Variants in FKBP5 observed in about 807,000 individuals in gnomAD.
FKBP5 encodes the protein peptidyl-prolyl cis-trans isomerase FKBP5.
A neutral mutation model predicts 50.5 loss-of-function variants in FKBP5; 23 were observed. The observed-to-expected ratio is 0.46, with a 90% confidence interval of 0.33 to 0.65. The LOEUF is 0.65. Ranked by LOEUF, FKBP5 falls within the 30% of genes least tolerant of loss-of-function variation. FKBP5 has a pLI of 0.02. For missense variants in FKBP5, 411 were observed against 553.1 expected (o/e 0.74, Z 2.58); for synonymous variants, 176 against 190.6 (o/e 0.92, Z 0.63).
intron 8 of FKBP5, chr6:35,585,652 T>C (rs2150955689): frequency 1.1e-6 from 1 of 928,688 alleles, no homozygotes; most frequent in East Asian, 1.2e-4. Flanking sequence ...AACATATTTA[T>C]ATATTTATAC....
chr6:35,621,452 T>C (rs1400812191), intron 3 of FKBP5, among the ~76,000 whole-genome samples: 1 of 150,934 alleles, frequency 6.6e-6, no homozygotes. Context: ...ACCCCGTCTC[T>C]ACTAAAAATA....
chr6:35,719,207 G>C (rs1316907296), intron 2 of FKBP5, among the ~76,000 whole-genome samples: 1 of 152,110 alleles, frequency 6.6e-6, no homozygotes, highest in Admixed American at 6.6e-5. Context: ...TTCATGTTAA[G>C]AACTTTATTG....
chr6:35,630,500 T>A (rs886516449), intron 3 of FKBP5, among the ~76,000 whole-genome samples: 1 of 152,102 alleles, frequency 6.6e-6, no homozygotes, highest in Non-Finnish European at 1.5e-5. Flanking sequence ...TGAGCCGAGA[T>A]CGTGCCACTG....
chr6:35,649,142 T>C (rs1158028799), intron 1 of FKBP5, among the ~76,000 whole-genome samples: 1 of 151,200 alleles, frequency 6.6e-6, no homozygotes, highest in Non-Finnish European at 1.5e-5. Context: ...TTCCAGCTAC[T>C]TGGGAGGCTG....
chr6:35,610,822 A>T (rs1379349173), intron 5 of FKBP5, among the ~76,000 whole-genome samples: 3 of 152,140 alleles, frequency 2.0e-5, no homozygotes, highest in Non-Finnish European at 4.4e-5. Flanking sequence ...TTAAAAAAAA[A>T]TACTTGTGCC....
At chr6:35,670,462 G>T (rs993700654) in intron 1 of FKBP5, among the ~76,000 whole-genome samples, 1 of 152,028 alleles carries the variant, frequency 6.6e-6, no homozygotes, top group Non-Finnish European at 1.5e-5. Context: ...CAGTGGGCAC[G>T]GTGGCTCATG....
At chr6:35,653,768 G>T (rs1045247424) in intron 1 of FKBP5, among the ~76,000 whole-genome samples, 1 of 152,106 alleles carries the variant, frequency 6.6e-6, no homozygotes. Flanking sequence ...CAAAATAAAA[G>T]AATTATGGGC....
intron 1 of FKBP5, among the ~76,000 whole-genome samples, chr6:35,688,499 G>A (rs1276970387): frequency 1.3e-5 from 2 of 151,720 alleles, no homozygotes; most frequent in Non-Finnish European, 2.9e-5. Flanking sequence ...TCTGCCGGGA[G>A]AGGCCGGCGG....
chr6:35,726,537 CACACACACACA>C (rs1766715740), intron 1 of FKBP5, among the ~76,000 whole-genome samples: 1 of 826 alleles, frequency 1.2e-3, no homozygotes, highest in Non-Finnish European at 5.2e-3. Flanking sequence ...CCTCCTCCTC[CACACACACACA>C]CACACACACA....
intron 2 of FKBP5, among the ~76,000 whole-genome samples, chr6:35,713,539 A>C (rs1036843030): frequency 2.0e-5 from 3 of 152,216 alleles, no homozygotes; most frequent in Non-Finnish European, 2.9e-5. Flanking sequence ...CCTTCTAGCA[A>C]GCAGCACAGC....
chr6:35,579,958 C>CT, intron 9 of FKBP5, 78 bp downstream of exon 9: 1 of 1,122,212 alleles, frequency 8.9e-7, no homozygotes, highest in Non-Finnish European at 1.3e-6. Context: ...CAACCTTTGG[C>CT]TGAGAGGAAG....
At chr6:35,685,286 T>C (rs1765791204) in intron 1 of FKBP5, among the ~76,000 whole-genome samples, 1 of 152,180 alleles carries the variant, frequency 6.6e-6, no homozygotes, top group Non-Finnish European at 1.5e-5. Flanking sequence ...TAAATAAACA[T>C]CTCATTTGCA....
intron 5 of FKBP5, among the ~76,000 whole-genome samples, chr6:35,610,718 G>A (rs1763467374): frequency 6.6e-6 from 1 of 150,410 alleles, no homozygotes; most frequent in Admixed American, 6.6e-5. Flanking sequence ...TTAGAACCTG[G>A]CCTTACTGGT....
At chr6:35,714,311 G>T (rs1300662144) in intron 2 of FKBP5, among the ~76,000 whole-genome samples, 3 of 128,148 alleles carry the variant, frequency 2.3e-5, no homozygotes, top group Non-Finnish European at 3.3e-5. Flanking sequence ...AATTAGCCGG[G>T]CGTGGTGGCA....
At chr6:35,715,900 C>T (rs889072862) in intron 2 of FKBP5, among the ~76,000 whole-genome samples, 1 of 152,154 alleles carries the variant, frequency 6.6e-6, no homozygotes, top group Non-Finnish European at 1.5e-5. Context: ...CCATTAGAAA[C>T]CCTGGGAGGG....
At chr6:35,591,268 C>A in intron 6 of FKBP5, 48 bp from the exon 7 acceptor site, 1 of 1,262,192 alleles carries the variant, frequency 7.9e-7, no homozygotes, top group Non-Finnish European at 1.1e-6. Context: ...TGGTGTATTT[C>A]CAGGCACTTC....
At chr6:35,585,626 G>T in intron 8 of FKBP5, 1 of 964,018 alleles carries the variant, frequency 1.0e-6, no homozygotes, top group Non-Finnish European at 1.2e-6. Context: ...AGTATACATA[G>T]TAAATAATGA....
intron 5 of FKBP5, among the ~76,000 whole-genome samples, chr6:35,600,208 T>C (rs1285016838): frequency 1.3e-5 from 2 of 152,182 alleles, no homozygotes; most frequent in Non-Finnish European, 2.9e-5. Flanking sequence ...AGCATATGAC[T>C]GTACATGCAT....
intron 5 of FKBP5, among the ~76,000 whole-genome samples, chr6:35,613,375 C>G (rs1199517053): frequency 6.6e-6 from 1 of 152,140 alleles, no homozygotes; most frequent in Non-Finnish European, 1.5e-5. Flanking sequence ...CAACCACTCC[C>G]AGCTAATTGT....
Sources: allele counts gnomAD v4.1 joint callset (sites outside exome capture counted in the v4.1 genomes callset), GRCh38; gene constraint gnomAD v4.1.1; transcripts MANE v1.5; gene names NCBI Gene and HGNC (gene_info 2026-07-23, HGNC 2026-07-21).